The following GPC6 variants were observed in gnomAD, a reference collection of about 807,000 sequenced individuals.
The protein encoded by GPC6 is glypican-6.
In GPC6, 14 loss-of-function variants were observed where a neutral mutation model predicts 55.2. The ratio of observed to expected loss-of-function variants is 0.25; its 90% CI spans 0.17 to 0.40. The LOEUF (loss-of-function observed/expected upper bound fraction) is 0.40, where lower values mean the gene tolerates loss of function less well. Ranked by LOEUF, GPC6 falls within the 10% of genes least tolerant of loss-of-function variation. The pLI is 1.00. For synonymous variants in GPC6, 278 were observed against 259.6 expected, an observed-to-expected ratio of 1.07 and a Z score of -0.68; for missense variants, 641 against 708.5, an observed-to-expected ratio of 0.90 and a Z score of 1.08.
chr13:93,857,004 A>G (rs1888640913), intron 3 of GPC6, among the ~76,000 whole-genome samples: 1 of 151,594 alleles, frequency 6.6e-6, no homozygotes, highest in African/African-American at 2.4e-5. Flanking sequence ...CTTATTCAAC[A>G]TTTCCTATAT....
chr13:94,170,942 C>A (rs190027379), intron 4 of GPC6, among the ~76,000 whole-genome samples: 9 of 152,264 alleles, frequency 5.9e-5, no homozygotes, highest in Admixed American at 5.9e-4. Context: ...GGAAATAAAT[C>A]TAGGATGTTC....
At chr13:93,295,401 C>T (rs1362168892) in intron 1 of GPC6, among the ~76,000 whole-genome samples, 1 of 151,400 alleles carries the variant, frequency 6.6e-6, no homozygotes, top group African/African-American at 2.4e-5. Context: ...GTTCTGGAGG[C>T]TGGAAGTCTG....
intron 2 of GPC6, among the ~76,000 whole-genome samples, chr13:93,794,054 GA>G (rs750302641): frequency 6.6e-6 from 1 of 152,084 alleles, no homozygotes; most frequent in Non-Finnish European, 1.5e-5. Flanking sequence ...TGAAAATCTT[GA>G]AAAGTCAGGA....
chr13:93,562,368 T>C (rs1875858608), intron 2 of GPC6, among the ~76,000 whole-genome samples: 1 of 152,130 alleles, frequency 6.6e-6, no homozygotes, highest in Non-Finnish European at 1.5e-5. Context: ...AATTTAGCAA[T>C]TTCAATACAC....
intron 1 of GPC6, among the ~76,000 whole-genome samples, chr13:93,425,653 T>A (rs2139266098): frequency 6.6e-6 from 1 of 152,250 alleles, no homozygotes; most frequent in South Asian, 2.1e-4. Flanking sequence ...AGAAGAGAGT[T>A]TGTTGTGAAA....
intron 2 of GPC6, among the ~76,000 whole-genome samples, chr13:93,670,029 G>C (rs937554695): frequency 6.6e-6 from 1 of 152,150 alleles, no homozygotes; most frequent in Non-Finnish European, 1.5e-5. Flanking sequence ...TACTCTCTTA[G>C]AGTTCTCACA....
At chr13:93,377,580 G>C (rs546369907) in intron 1 of GPC6, among the ~76,000 whole-genome samples, 2 of 152,180 alleles carry the variant, frequency 1.3e-5, no homozygotes, top group Non-Finnish European at 2.9e-5. Context: ...TAGAGCCCTC[G>C]TTGTTGGCAG....
chr13:93,777,089 C>T (rs1885495043), intron 2 of GPC6, among the ~76,000 whole-genome samples: 1 of 152,218 alleles, frequency 6.6e-6, no homozygotes, highest in Non-Finnish European at 1.5e-5. Context: ...TCCCATTCCT[C>T]AATCTTCTGA....
At chr13:93,439,833 T>C (rs967472455) in intron 1 of GPC6, among the ~76,000 whole-genome samples, 1 of 152,200 alleles carries the variant, frequency 6.6e-6, no homozygotes, top group Non-Finnish European at 1.5e-5. Context: ...GCATCTTGTT[T>C]GTACCTTCTT....
chr13:94,204,040 T>G (rs1889832269), intron 4 of GPC6, among the ~76,000 whole-genome samples: 1 of 152,112 alleles, frequency 6.6e-6, no homozygotes, highest in Admixed American at 6.6e-5. Flanking sequence ...TGAAGGAATA[T>G]CCAATAAATT....
intron 2 of GPC6, among the ~76,000 whole-genome samples, chr13:93,785,336 G>A (rs1448490881): frequency 1.3e-5 from 2 of 152,180 alleles, no homozygotes; most frequent in Non-Finnish European, 2.9e-5. Context: ...AAAAACTTCT[G>A]TAAGTTTTGA....
chr13:93,484,022 C>A (rs775876974), intron 1 of GPC6, among the ~76,000 whole-genome samples: 37 of 152,084 alleles, frequency 2.4e-4, no homozygotes, highest in Non-Finnish European at 4.9e-4. Context: ...ACTCTTAGAG[C>A]AAATTGGTTT....
intron 1 of GPC6, among the ~76,000 whole-genome samples, chr13:93,470,305 G>A (rs1328249988): frequency 6.6e-6 from 1 of 151,932 alleles, no homozygotes; most frequent in Non-Finnish European, 1.5e-5. Context: ...TTTCTAGTTT[G>A]CTGCAATAAT....
At chr13:93,650,310 A>T (rs2139597865) in intron 2 of GPC6, among the ~76,000 whole-genome samples, 1 of 152,306 alleles carries the variant, frequency 6.6e-6, no homozygotes, top group East Asian at 1.9e-4. Context: ...AAAGACCCTT[A>T]TTCATCAAGC....
At chr13:93,966,916 A>C (rs1345083467) in intron 3 of GPC6, among the ~76,000 whole-genome samples, 4 of 152,036 alleles carry the variant, frequency 2.6e-5, no homozygotes, top group African/African-American at 9.7e-5. Flanking sequence ...AGACCTTTCA[A>C]AGTGCTGAGA....
At chr13:93,930,147 T>C (rs9561474) in intron 3 of GPC6, among the ~76,000 whole-genome samples, 69,854 of 151,970 alleles carry the variant, frequency 0.46, 16,572 homozygotes, top group Non-Finnish European at 0.49. Flanking sequence ...GACTGGAGCA[T>C]TGCTATTTTT....
At chr13:93,243,772 A>G (rs1594049083) in intron 1 of GPC6, among the ~76,000 whole-genome samples, 1 of 152,176 alleles carries the variant, frequency 6.6e-6, no homozygotes, top group Non-Finnish European at 1.5e-5. Flanking sequence ...AGCTGAGGTC[A>G]AAGAAGAGTT....
chr13:93,617,361 A>C (rs1442143101), intron 2 of GPC6, among the ~76,000 whole-genome samples: 2 of 152,148 alleles, frequency 1.3e-5, no homozygotes, highest in Non-Finnish European at 2.9e-5. Flanking sequence ...TGCCTCATTC[A>C]TCTCTCTATT....
At chr13:93,808,830 T>C (rs780253956) in intron 2 of GPC6, among the ~76,000 whole-genome samples, 2 of 152,088 alleles carry the variant, frequency 1.3e-5, no homozygotes, top group African/African-American at 2.4e-5. Flanking sequence ...GCTTCCTGTT[T>C]GGGGAGCATG....
Sources: allele counts gnomAD v4.1 joint callset (sites outside exome capture counted in the v4.1 genomes callset), GRCh38; gene constraint gnomAD v4.1.1; transcripts MANE v1.5; gene names NCBI Gene and HGNC (gene_info 2026-07-23, HGNC 2026-07-21).